The following C8orf34 variants were observed in gnomAD, a reference collection of about 807,000 sequenced individuals.
C8orf34 encodes chromosome 8 open reading frame 34.
In C8orf34, 65 loss-of-function variants were observed where a neutral mutation model predicts 68.3. The observed-to-expected ratio is 0.95, with a 90% CI of 0.78 to 1.17. The LOEUF is 1.17. C8orf34 is among the 50% of genes most tolerant of loss of function. The pLI, the probability that C8orf34 is intolerant of heterozygous loss-of-function variation, is 0.00. For synonymous variants in C8orf34, 244 were observed against 241.2 expected, an observed-to-expected ratio of 1.01 and a Z score of -0.11; for missense variants, 664 against 655.4, an observed-to-expected ratio of 1.01 and a Z score of -0.14.
intron 1 of C8orf34, among the ~76,000 whole-genome samples, chr8:68,375,510 C>T (rs1038883365): frequency 3.9e-5 from 6 of 152,156 alleles, no homozygotes; most frequent in Admixed American, 6.6e-5. Context: ...AATAGAAACT[C>T]ATATAGAATG....
intron 8 of C8orf34, among the ~76,000 whole-genome samples, chr8:68,696,358 A>G (rs1032006948): frequency 6.7e-6 from 1 of 148,716 alleles, no homozygotes; most frequent in Non-Finnish European, 1.5e-5. Flanking sequence ...TTGATTATAT[A>G]TATAGATTAT....
chr8:68,655,880 T>C (rs957305575), intron 8 of C8orf34, among the ~76,000 whole-genome samples: 3 of 152,186 alleles, frequency 2.0e-5, no homozygotes, highest in Non-Finnish European at 2.9e-5. Flanking sequence ...TAGGCACTGG[T>C]AATTATGCTG....
At chr8:68,407,448 A>G (rs1809249799) in intron 1 of C8orf34, among the ~76,000 whole-genome samples, 2 of 152,136 alleles carry the variant, frequency 1.3e-5, no homozygotes, top group Non-Finnish European at 2.9e-5. Flanking sequence ...TTTACTGATG[A>G]GAAATTTGAT....
intron 7 of C8orf34, among the ~76,000 whole-genome samples, chr8:68,557,641 A>G (rs1432878360): frequency 6.6e-6 from 1 of 152,108 alleles, no homozygotes; most frequent in Non-Finnish European, 1.5e-5. Context: ...CCTGCCATAG[A>G]ACAACCTTGT....
intron 7 of C8orf34, among the ~76,000 whole-genome samples, chr8:68,590,628 G>A (rs1190377957): frequency 1.3e-5 from 2 of 152,162 alleles, no homozygotes; most frequent in Non-Finnish European, 2.9e-5. Context: ...AAATGAAATC[G>A]TTGAAGTTCT....
chr8:68,756,057 A>ACTC (rs1822850557), intron 10 of C8orf34, among the ~76,000 whole-genome samples: 1 of 145,312 alleles, frequency 6.9e-6, no homozygotes, highest in African/African-American at 2.7e-5. Flanking sequence ...ACAGAGTGAG[A>ACTC]CTCTATCTAA....
intron 9 of C8orf34, among the ~76,000 whole-genome samples, chr8:68,718,159 A>G (rs1047751926): frequency 7.9e-5 from 12 of 152,202 alleles, no homozygotes; most frequent in African/African-American, 2.9e-4. Flanking sequence ...ATTGTTTTTG[A>G]ATTGCTTCTT....
intron 12 of C8orf34, among the ~76,000 whole-genome samples, chr8:68,788,332 G>A (rs1019148739): frequency 6.6e-6 from 1 of 152,154 alleles, no homozygotes; most frequent in African/African-American, 2.4e-5. Context: ...GGAGAATCCA[G>A]GAAATTACAC....
At chr8:68,713,952 T>A (rs1821397091) in intron 9 of C8orf34, among the ~76,000 whole-genome samples, 1 of 152,136 alleles carries the variant, frequency 6.6e-6, no homozygotes, top group Non-Finnish European at 1.5e-5. Flanking sequence ...CATGATCAAG[T>A]GGGTTTCATA....
chr8:68,704,361 A>G (rs1206908387), intron 8 of C8orf34, among the ~76,000 whole-genome samples: 2 of 152,120 alleles, frequency 1.3e-5, no homozygotes, highest in African/African-American at 4.8e-5. Flanking sequence ...TGCCAGAGGT[A>G]ATAGTATAAT....
At chr8:68,464,130 C>T (rs1811989579) in intron 3 of C8orf34, among the ~76,000 whole-genome samples, 1 of 152,098 alleles carries the variant, frequency 6.6e-6, no homozygotes. Context: ...AAATCACAAG[C>T]ATTCTTATAC....
chr8:68,708,659 G>A (rs1386828586), intron 8 of C8orf34, among the ~76,000 whole-genome samples: 2 of 152,088 alleles, frequency 1.3e-5, no homozygotes. Context: ...ACACTGTGTT[G>A]GCCTCTTGTT....
At chr8:68,354,242 A>G (rs559311062) in intron 1 of C8orf34, among the ~76,000 whole-genome samples, 3 of 152,302 alleles carry the variant, frequency 2.0e-5, no homozygotes, top group East Asian at 3.9e-4. Context: ...GTATAGTTCA[A>G]TTCTGTAGAA....
intron 1 of C8orf34, among the ~76,000 whole-genome samples, chr8:68,379,755 AAGTC>A (rs1488250596): frequency 6.6e-6 from 1 of 152,226 alleles, no homozygotes; most frequent in African/African-American, 2.4e-5. Flanking sequence ...GAAAAGAAAA[AAGTC>A]AGGATCATGT....
At chr8:68,620,018 T>C (rs2060440) in intron 7 of C8orf34, among the ~76,000 whole-genome samples, 35,117 of 152,094 alleles carry the variant, frequency 0.23, 4,712 homozygotes, top group African/African-American at 0.38. Flanking sequence ...ACAGAATCTT[T>C]ACTCAAAAAC....
chr8:68,743,255 A>C (rs1822357232), intron 10 of C8orf34, among the ~76,000 whole-genome samples: 1 of 152,224 alleles, frequency 6.6e-6, no homozygotes, highest in African/African-American at 2.4e-5. Context: ...GCAATGGATA[A>C]GAAGGAGGAA....
chr8:68,690,292 A>C (rs1396485499), intron 8 of C8orf34, among the ~76,000 whole-genome samples: 1 of 152,008 alleles, frequency 6.6e-6, no homozygotes, highest in East Asian at 1.9e-4. Context: ...CTACCTTCCT[A>C]GAATTTTTCA....
intron 8 of C8orf34, among the ~76,000 whole-genome samples, chr8:68,691,873 TAGCAAAA>T (rs1270799880): frequency 6.6e-6 from 1 of 152,044 alleles, no homozygotes; most frequent in Admixed American, 6.6e-5. Flanking sequence ...TACTTGGTTT[TAGCAAAA>T]ATAATGGTAA....
At position 68,593,839 on chromosome 8, in the gene C8orf34, C is replaced by T. The variant is rs114009680; in HGVS notation, c.1106-46537C>T. ...TCTTTAGTATTCATGGCTATATTAC[C>T]TTAAAGTTCTTGTTTTTTAATAAGC... On this transcript the variant is annotated intron_variant, in intron 7 of 13. Transcript: ENST00000518698. Among the ~76,000 whole-genome samples, 553 of 151,894 alleles carry T rather than the reference C, an allele frequency of 3.6e-3. 6 individuals are homozygous for T. The highest frequency in any genetic ancestry group is 0.013 in the African/African-American group (530 of 41,432).
Sources: allele counts gnomAD v4.1 joint callset (sites outside exome capture counted in the v4.1 genomes callset), GRCh38; gene constraint gnomAD v4.1.1; transcripts MANE v1.5; gene names NCBI Gene and HGNC (gene_info 2026-07-23, HGNC 2026-07-21).